The following TCP11L2 variants were observed in gnomAD, a reference collection of about 807,000 sequenced individuals.
The protein encoded by TCP11L2 is t-complex 11 like 2.
TCP11L2 carries 39 observed loss-of-function variants against 50.7 expected under a neutral mutation model. That is an observed-to-expected ratio of 0.77 (90% CI 0.60 to 1.01). The LOEUF (loss-of-function observed/expected upper bound fraction) is 1.01. TCP11L2 is among the 50% of genes least tolerant of loss of function. TCP11L2 has a pLI of 0.00. For synonymous variants in TCP11L2, 192 were observed against 219.3 expected, an observed-to-expected ratio of 0.88 and a Z score of 1.10; for missense variants, 612 against 614.7, an observed-to-expected ratio of 1.00 and a Z score of 0.05.
At chr12:106,329,981 C>T in intron 6 of TCP11L2, 3 of 985,494 alleles carry the variant, frequency 3.0e-6, no homozygotes, top group Non-Finnish European at 2.4e-6. Context: ...AGTGCTGGGT[C>T]CAAGAAGAAT....
chr12:106,314,593 GAGAGAGAGAC>G (rs1266661984), intron 3 of TCP11L2, 100 bp downstream of exon 3: 8 of 839,666 alleles, frequency 9.5e-6, no homozygotes, highest in African/African-American at 9.0e-5. Context: ...GAGAGAGAGA[GAGAGAGAGAC>G]AGAGAGAGAG....
intron 3 of TCP11L2, among the ~76,000 whole-genome samples, chr12:106,316,477 C>A (rs2035086251): frequency 6.6e-6 from 1 of 152,100 alleles, no homozygotes; most frequent in Admixed American, 6.5e-5. Flanking sequence ...CAATCTGGAT[C>A]TTGTCTCATA....
At chr12:106,339,524 G>T (rs1245157640) in intron 8 of TCP11L2, among the ~76,000 whole-genome samples, 1 of 152,078 alleles carries the variant, frequency 6.6e-6, no homozygotes, top group Admixed American at 6.5e-5. Context: ...TTTGCTTTTG[G>T]GTAATTCATC....
rs1372705830 is a variant in TCP11L2, at chr12:106,346,428, C to A, written c.1458C>A (p.Leu486=). The A allele has an allele frequency of 6.2e-7, 1 of 1,614,164 alleles. No homozygotes were observed. Among genetic ancestry groups the A allele is most frequent in the South Asian group, 1.1e-5 (1 of 91,074 alleles). ...CTCAATATGCAAACATTGTGAATCT[C>A]AACAAACAAGTGTATGGACCATTTT... ...LGSQYANIVN[L]NKQVYGPFYA... Residue 486 remains leucine, a synonymous_variant, in exon 10 of 10, where the codon CTC becomes CTA. Transcript: ENST00000299045.
intron 1 of TCP11L2, among the ~76,000 whole-genome samples, chr12:106,308,942 G>A (rs916870525): frequency 1.3e-5 from 2 of 152,202 alleles, no homozygotes; most frequent in Non-Finnish European, 2.9e-5. Context: ...AGATTCAGAA[G>A]TAGCCATGGG....
At chr12:106,305,023 G>A (rs1026093141) in intron 1 of TCP11L2, among the ~76,000 whole-genome samples, 2 of 152,110 alleles carry the variant, frequency 1.3e-5, no homozygotes, top group African/African-American at 4.8e-5. Context: ...GATGGATTTG[G>A]CAGAGTGGGA....
At chr12:106,320,705 C>G (rs1419754289) in intron 4 of TCP11L2, among the ~76,000 whole-genome samples, 1 of 152,136 alleles carries the variant, frequency 6.6e-6, no homozygotes, top group Non-Finnish European at 1.5e-5. Context: ...CTAGAGTAAG[C>G]AAGCTGGAAA....
intron 1 of TCP11L2, among the ~76,000 whole-genome samples, chr12:106,306,638 T>C (rs1480189952): frequency 6.6e-6 from 1 of 152,236 alleles, no homozygotes; most frequent in East Asian, 1.9e-4. Context: ...TTGTTTTTTA[T>C]GACATTACAT....
chr12:106,344,745 A>G lies in TCP11L2; in HGVS notation c.1316-1541A>G, dbSNP rs556085430. Among the ~76,000 whole-genome samples the G allele has an allele frequency of 5.6e-4, 85 of 152,362 alleles. 1 individual carries two copies. Among genetic ancestry groups the G allele is most frequent in the African/African-American group, 1.9e-3 (79 of 41,584 alleles). On this transcript the variant is annotated intron_variant, in intron 9 of 9. Coordinates refer to ENST00000299045, the MANE Select transcript of TCP11L2 (RefSeq NM_152772.3). ...TGGTGAGGTTTCTGTTCCCAAAGCC[A>G]GAGAAAGCCCTTGGAGCAGCCTGAG...
chr12:106,313,206 C>T (rs955224180), intron 2 of TCP11L2, among the ~76,000 whole-genome samples: 1 of 152,130 alleles, frequency 6.6e-6, no homozygotes, highest in Non-Finnish European at 1.5e-5. Context: ...AAGGCTATGC[C>T]TCAGTGAAAT....
intron 1 of TCP11L2, among the ~76,000 whole-genome samples, chr12:106,306,703 A>G (rs2034644980): frequency 6.6e-6 from 1 of 152,208 alleles, no homozygotes; most frequent in Non-Finnish European, 1.5e-5. Flanking sequence ...GACATCCGTC[A>G]GGCACTTACT....
At chr12:106,338,533 A>G (rs1056965515) in intron 8 of TCP11L2, among the ~76,000 whole-genome samples, 2 of 152,244 alleles carry the variant, frequency 1.3e-5, no homozygotes, top group African/African-American at 2.4e-5. Flanking sequence ...CATGGTGTAC[A>G]TATACCATAT....
chr12:106,317,157 C>G (rs1000297254), intron 3 of TCP11L2, among the ~76,000 whole-genome samples: 1 of 152,242 alleles, frequency 6.6e-6, no homozygotes, highest in Non-Finnish European at 1.5e-5. Flanking sequence ...TCAGTTTCTG[C>G]CATGGCTAGA....
chr12:106,302,100 G>C (rs1472988517), upstream of TCP11L2: 1 of 152,532 alleles, frequency 6.6e-6, no homozygotes, highest in Admixed American at 6.5e-5. Context: ...TGTTGGTTGG[G>C]TTGTCTCTGT....
intron 1 of TCP11L2, among the ~76,000 whole-genome samples, chr12:106,306,077 C>T (rs191957289): frequency 3.9e-5 from 6 of 152,294 alleles, no homozygotes; most frequent in Admixed American, 3.9e-4. Context: ...AGAAGGACAT[C>T]AGGACAAGTT....
intron 1 of TCP11L2, among the ~76,000 whole-genome samples, chr12:106,305,762 T>C (rs971597543): frequency 2.0e-5 from 3 of 151,980 alleles, no homozygotes; most frequent in African/African-American, 7.2e-5. Context: ...TGAATGACAA[T>C]AGGGAGCCAA....
chr12:106,300,282 G>A (rs1232279643), upstream of TCP11L2, among the ~76,000 whole-genome samples: 6 of 151,972 alleles, frequency 3.9e-5, no homozygotes, highest in Admixed American at 2.6e-4. Flanking sequence ...TCATTTTTGA[G>A]GGAACTGCCT....
upstream of TCP11L2, among the ~76,000 whole-genome samples, chr12:106,301,156 CAAAT>C (rs942335224): frequency 2.0e-5 from 3 of 152,114 alleles, no homozygotes; most frequent in Non-Finnish European, 2.9e-5. Context: ...ACGAATGACA[CAAAT>C]AAGAGCATGT....
chr12:106,320,764 T>C (rs1028369841), intron 4 of TCP11L2, among the ~76,000 whole-genome samples: 3 of 152,222 alleles, frequency 2.0e-5, no homozygotes, highest in Non-Finnish European at 2.9e-5. Flanking sequence ...AAGTCTTCGA[T>C]AGTCATACAG....
Sources: gnomAD v4.1 joint callset for allele counts (sites outside exome capture counted in the v4.1 genomes callset) on GRCh38, gnomAD v4.1.1 for gene constraint, MANE v1.5 for transcripts, NCBI Gene and HGNC (gene_info 2026-07-23, HGNC 2026-07-21) for gene names.